The following MPRIP variants were observed in gnomAD, a reference collection of about 807,000 sequenced individuals.
MPRIP encodes myosin phosphatase Rho-interacting protein.
A neutral mutation model predicts 234.9 loss-of-function variants in MPRIP; 59 were observed. The ratio of observed to expected loss-of-function variants is 0.25; its 90% CI spans 0.20 to 0.31. The LOEUF (loss-of-function observed/expected upper bound fraction) is 0.31, where lower values mean the gene tolerates loss of function less well. MPRIP is among the 10% of genes least tolerant of loss of function. MPRIP has a pLI of 1.00. For synonymous variants in MPRIP, 1,144 were observed against 1,263.9 expected, an observed-to-expected ratio of 0.91 and a Z score of 2.01; for missense variants, 2,436 against 3,071.0, an observed-to-expected ratio of 0.79 and a Z score of 4.89.
rs553842132 is a variant in MPRIP, at chr17:17,078,795, C to G, written c.267+719C>G. Among the ~76,000 whole-genome samples, 1 of 152,318 alleles carries G rather than the reference C, an allele frequency of 6.6e-6. No homozygotes were observed. The highest frequency in any genetic ancestry group is 2.1e-4 in the South Asian group (1 of 4,828). On this transcript the variant is annotated intron_variant, in intron 3 of 23. Coordinates refer to ENST00000651222, the MANE Select transcript of MPRIP (RefSeq NM_001364716.4). This position sits in a 1 kb window ranked among gnomAD's most constrained non-coding sequence, Gnocchi z 4.3. ...AGGAGATTAGTCTCTCCTAATTAAT[C>G]TAAAGTAGGACTGCATTCCAAACTT...
At chr17:17,174,179 C>G in intron 19 of MPRIP, 104 bp downstream of exon 19, 1 of 1,368,542 alleles carries the variant, frequency 7.3e-7, no homozygotes, top group Non-Finnish European at 9.9e-7. Flanking sequence ...AGGCCTCACC[C>G]TCAAAGTGGC....
intron 22 of MPRIP, chr17:17,179,701 A>G: frequency 3.6e-6 from 1 of 280,506 alleles, no homozygotes; most frequent in Non-Finnish European, 6.7e-6. Context: ...GAGGTCCCAC[A>G]CCAGAGTGAG....
At chr17:17,053,564 G>A (rs1294630469) in intron 1 of MPRIP, among the ~76,000 whole-genome samples, 1 of 152,184 alleles carries the variant, frequency 6.6e-6, no homozygotes, top group Admixed American at 6.5e-5. Flanking sequence ...TGGCCCATCT[G>A]CTCTTGAATG....
At chr17:17,043,386 C>T (rs144264556) in intron 1 of MPRIP, among the ~76,000 whole-genome samples, 2 of 152,172 alleles carry the variant, frequency 1.3e-5, no homozygotes, top group Non-Finnish European at 2.9e-5. Context: ...TCTAGTGGGA[C>T]GCAGCCTGCC....
At chr17:17,161,529 G>T (rs1046198528) in intron 15 of MPRIP, among the ~76,000 whole-genome samples, 173 bp downstream of exon 15, 1 of 152,066 alleles carries the variant, frequency 6.6e-6, no homozygotes, top group Admixed American at 6.6e-5. Flanking sequence ...TGCTTGGGGG[G>T]GTCTGTTTGT....
chr17:17,130,764 C>T (rs568481614), intron 4 of MPRIP, among the ~76,000 whole-genome samples: 5 of 152,258 alleles, frequency 3.3e-5, no homozygotes, highest in Admixed American at 6.5e-5. Context: ...CACTGCCCTC[C>T]GCTCCTCCCA....
At chr17:17,177,221 C>T in intron 21 of MPRIP, 29 bp from the exon 22 acceptor site, 1 of 1,603,648 alleles carries the variant, frequency 6.2e-7, no homozygotes, top group Non-Finnish European at 8.5e-7. Flanking sequence ...CTGGATGTAA[C>T]TACCATTCTC....
chr17:17,065,069 C>G (rs2088980609), intron 1 of MPRIP, among the ~76,000 whole-genome samples: 3 of 152,050 alleles, frequency 2.0e-5, no homozygotes, highest in Non-Finnish European at 2.9e-5. Context: ...CCTCTTCATG[C>G]TATTTATCTT....
chr17:17,173,729 G>A, intron 18 of MPRIP, 187 bp from the exon 19 acceptor site: 2 of 721,932 alleles, frequency 2.8e-6, no homozygotes, highest in South Asian at 3.0e-5. Context: ...TGTGAGAAAG[G>A]ACCAGGGAGG....
intron 1 of MPRIP, among the ~76,000 whole-genome samples, chr17:17,043,890 T>A (rs2088262091): frequency 6.6e-6 from 1 of 152,212 alleles, no homozygotes; most frequent in Non-Finnish European, 1.5e-5. Context: ...CAGAGCTTTC[T>A]CTCAGCCTCC....
intron 4 of MPRIP, among the ~76,000 whole-genome samples, chr17:17,130,062 C>T (rs2090565924): frequency 6.6e-6 from 1 of 152,202 alleles, no homozygotes; most frequent in Non-Finnish European, 1.5e-5. Context: ...ATAGTCACAG[C>T]CTCCTTTCTT....
At chr17:17,150,059 C>A in intron 11 of MPRIP, 85 bp from the exon 12 acceptor site, 2 of 957,704 alleles carry the variant, frequency 2.1e-6, no homozygotes, top group Non-Finnish European at 3.4e-6. Context: ...AAAGTCAGTG[C>A]AGAAAATCAC....
chr17:17,184,894 G>A lies in MPRIP; in HGVS notation c.7278G>A (p.Ter2426=). The change falls in exon 24 of 24, where the codon TAG becomes TAA. Residue 2426 remains the stop codon, a stop_retained_variant. Transcript: ENST00000651222. ...AATCCAGGGACTTGAAGAAAGACTA[G>A]GTGTGTCCCATCCAAGTTGAGCACG... ...LFESRDLKKD[*] is the part of the protein sequence containing the mutation. 6.2e-7 allele frequency: 1 copy of A among 1,609,486 alleles called. No homozygotes were observed. The highest frequency in any genetic ancestry group is 2.0e-4 in the Middle Eastern group (1 of 5,074).
intron 3 of MPRIP, among the ~76,000 whole-genome samples, chr17:17,084,137 G>T (rs907143948): frequency 6.6e-6 from 1 of 152,212 alleles, no homozygotes; most frequent in Non-Finnish European, 1.5e-5. Flanking sequence ...CACCTCCCGG[G>T]CATCTGATTC....
In MPRIP at chr17:17,185,594, T is replaced by TCCTTCCTC. The variant is rs1487519094; in HGVS notation, c.*703_*704insTCCTCCCT. The TCCTTCCTC allele has an allele frequency of 1.3e-5, 6 of 456,258 alleles. No individual in the cohort carries two copies. Among genetic ancestry groups the TCCTTCCTC allele is most frequent in the Admixed American group, 1.2e-4 (5 of 42,538 alleles). The allele number at this position is 456,258 out of a possible 1,614,324, so 28.3% of individuals were successfully genotyped here. On this transcript the variant is annotated 3_prime_UTR_variant, in exon 24 of 24. Transcript: ENST00000651222. ...CCCTCTCCTTCCTTCCTTCCTTCCTTCCTCCGCTCGTTCCTTTCTTGGTCT... is the reference window on the plus strand; with the variant it reads ...CCCTCTCCTTCCTTCCTTCCTTCCTTCCTTCCTCCCTCCGCTCGTTCCTTTCTTGGTCT...
chr17:17,110,464 G>A (rs1430220824), intron 3 of MPRIP, among the ~76,000 whole-genome samples: 1 of 152,214 alleles, frequency 6.6e-6, no homozygotes, highest in African/African-American at 2.4e-5. Context: ...AAAATGTCCT[G>A]TGCAGAATTC....
chr17:17,165,544 A>C lies in MPRIP; in HGVS notation c.3953A>C (p.Lys1318Thr). ...AKLDQGAPGV[K>T]RQRIRFSTIQ... Reference sequence around the variant, plus strand: ...CTCGACCAAGGGGCACCTGGTGTTAAAAGGCAAAGAATCCGGTTCTCCACA... The same window carrying C: ...CTCGACCAAGGGGCACCTGGTGTTACAAGGCAAAGAATCCGGTTCTCCACA... Residue 1318 changes from lysine (K) to threonine (T), a missense_variant, in exon 16 of 24, where the codon AAA becomes ACA. Physicochemically the swap from Lys to Thr is moderately conservative, Grantham distance 78. Around this residue, in one of 4 missense-constraint regions of MPRIP, gnomAD observed 1,998 missense variants for 2,520.3 expected, o/e 0.79. Transcript: ENST00000651222. The C allele has an allele frequency of 7.7e-7, 1 of 1,304,538 alleles. No individual in the cohort carries two copies. The highest frequency in any genetic ancestry group is 1.0e-6 in the Non-Finnish European group (1 of 989,012). 80.8% of individuals were successfully genotyped at this position (1,304,538 alleles called of 1,614,324 possible). A position where few individuals can be genotyped will look rare whatever the true frequency, so the allele number is the denominator to read the frequency against.
At chr17:17,118,688 G>A (rs1035232724) in intron 3 of MPRIP, among the ~76,000 whole-genome samples, 1 of 151,742 alleles carries the variant, frequency 6.6e-6, no homozygotes, top group Non-Finnish European at 1.5e-5. Context: ...GTCCCTAGGC[G>A]TGGTTGGCCT....
At position 17,158,435 on chromosome 17, in the gene MPRIP, G is replaced by C. The variant is rs763063065; in HGVS notation, c.1833G>C (p.Ser611=). 1 of 1,559,508 alleles carries C rather than the reference G, an allele frequency of 6.4e-7. No individual in the cohort carries two copies. Among genetic ancestry groups the C allele is most frequent in the Non-Finnish European group, 8.7e-7 (1 of 1,152,812 alleles). The change falls in exon 14 of 24, where the codon TCG becomes TCC. Residue 611 remains serine, a synonymous_variant. Coordinates refer to ENST00000651222, the MANE Select transcript of MPRIP (RefSeq NM_001364716.4). The part of the protein sequence containing the change: ...HPTTAPDVTS[S]LPEEKNKSSC... Reference sequence around the variant, plus strand: ...TGTCCATCCTCCTGCCCCACAGCTCGTTGCCAGAGGAAAAAAACAAGAGCA... The same window carrying C: ...TGTCCATCCTCCTGCCCCACAGCTCCTTGCCAGAGGAAAAAAACAAGAGCA...
Sources: gnomAD v4.1 joint callset for allele counts (sites outside exome capture counted in the v4.1 genomes callset) on GRCh38, gnomAD v4.1.1 for gene constraint, gnomAD v4.1.1 regional missense constraint, Gnocchi (gnomAD v3.1) non-coding constraint, MANE v1.5 for transcripts, NCBI Gene and HGNC (gene_info 2026-07-23, HGNC 2026-07-21) for gene names.